The following AGBL1 variants were observed in gnomAD, a reference collection of about 807,000 sequenced individuals.
AGBL1 encodes the protein AGBL carboxypeptidase 1.
AGBL1 carries 130 observed loss-of-function variants against 118.9 expected under a neutral mutation model. The ratio of observed to expected loss-of-function variants is 1.09; its 90% CI spans 0.95 to 1.26. The LOEUF (loss-of-function observed/expected upper bound fraction) is 1.26, where lower values mean the gene tolerates loss of function less well. AGBL1 is among the 50% of genes most tolerant of loss of function. The pLI is 0.00. For missense variants in AGBL1, 1,584 were observed against 1,298.1 expected (o/e 1.22, Z -3.38); for synonymous variants, 555 against 478.9 (o/e 1.16, Z -2.08).
At chr15:86,965,569 C>T (rs939230835) in intron 23 of AGBL1, among the ~76,000 whole-genome samples, 2 of 151,904 alleles carry the variant, frequency 1.3e-5, no homozygotes, top group Non-Finnish European at 2.9e-5. Flanking sequence ...AATTTTCTCC[C>T]ATTCTGTAGA....
At chr15:86,188,202 A>G (rs1011537804) in intron 5 of AGBL1, among the ~76,000 whole-genome samples, 2 of 152,162 alleles carry the variant, frequency 1.3e-5, no homozygotes, top group African/African-American at 4.8e-5. Flanking sequence ...ATGGTTGACA[A>G]AAAGGGGAAA....
intron 6 of AGBL1, among the ~76,000 whole-genome samples, chr15:86,235,987 G>A (rs545287258): frequency 2.4e-4 from 36 of 152,222 alleles, no homozygotes; most frequent in Admixed American, 1.9e-3. Context: ...GGACACTGAG[G>A]CCGAAAGAGA....
In AGBL1 at chr15:86,613,519, A is replaced by G. The variant is rs1388986534; in HGVS notation, c.2994+58982A>G. On this transcript the variant is annotated intron_variant, in intron 21 of 22. Transcript: ENST00000614907. The surrounding 1 kb of genome is among the most constrained non-coding windows in gnomAD (Gnocchi z 4.2). ...TTAAAGGCTGCCATGTGAAAGAGAG[A>G]TTAGGATTATTCAGTGTGTTTATAA... is the stretch of plus-strand genomic sequence containing the variant. Among the ~76,000 whole-genome samples the G allele has an allele frequency of 6.6e-6, 1 of 151,932 alleles. No homozygotes were observed. Among genetic ancestry groups the G allele is most frequent in the Admixed American group, 6.6e-5 (1 of 15,260 alleles).
At chr15:86,849,790 G>A (rs376928911) in intron 22 of AGBL1, among the ~76,000 whole-genome samples, 6 of 152,174 alleles carry the variant, frequency 3.9e-5, no homozygotes, top group Non-Finnish European at 5.9e-5. Context: ...CCTAGGCAGC[G>A]TGTGCTGGGT....
At chr15:86,323,641 T>A (rs1817412736) in intron 17 of AGBL1, among the ~76,000 whole-genome samples, 1 of 152,196 alleles carries the variant, frequency 6.6e-6, no homozygotes, top group South Asian at 2.1e-4. Context: ...AAATGTGGTT[T>A]AAGTGGTCTT....
intron 18 of AGBL1, among the ~76,000 whole-genome samples, chr15:86,403,475 T>C (rs1255749468): frequency 6.6e-6 from 1 of 152,292 alleles, no homozygotes; most frequent in South Asian, 2.1e-4. Flanking sequence ...ATACAAAATC[T>C]TGACCATTTT....
intron 1 of AGBL1, among the ~76,000 whole-genome samples, chr15:86,105,655 T>C (rs1897012816): frequency 6.6e-6 from 1 of 152,198 alleles, no homozygotes; most frequent in Non-Finnish European, 1.5e-5. Flanking sequence ...TTTTCTATTT[T>C]CCGGGTCACA....
intron 22 of AGBL1, among the ~76,000 whole-genome samples, chr15:86,881,339 A>G (rs2141531965): frequency 6.6e-6 from 1 of 152,226 alleles, no homozygotes; most frequent in South Asian, 2.1e-4. Context: ...GCAAACCTCC[A>G]CATCCTCCTG....
chr15:86,649,301 A>AGG, intron 21 of AGBL1, among the ~76,000 whole-genome samples: 1 of 152,290 alleles, frequency 6.6e-6, no homozygotes, highest in Non-Finnish European at 1.5e-5. Context: ...CAATTTTGCC[A>AGG]GTGAAATTGG....
At chr15:86,293,438 G>T (rs75110916) in intron 16 of AGBL1, among the ~76,000 whole-genome samples, 2,996 of 152,262 alleles carry the variant, frequency 0.02, 101 homozygotes, top group African/African-American at 0.061. Flanking sequence ...TTCAAAGCCA[G>T]CAAGGGAAGA....
intron 5 of AGBL1, among the ~76,000 whole-genome samples, chr15:86,186,629 C>T (rs1425975799): frequency 2.0e-5 from 3 of 152,134 alleles, no homozygotes; most frequent in Non-Finnish European, 2.9e-5. Flanking sequence ...CAGGCTGACA[C>T]GGAGCCCTCT....
rs2080397687 is a variant in AGBL1 at position 86,914,729 on chromosome 15, C to G, written c.*7435C>G. On this transcript the variant is annotated 3_prime_UTR_variant, in exon 23 of 23. Transcript: ENST00000614907. ...CAGGTAGTAAGTAGCAGATCACAAC[C>G]TTAACTCAGGCAATCGGACTCTTAA... 6.6e-6 allele frequency: 1 copy of G among 152,150 alleles called. No homozygotes were observed. Among genetic ancestry groups the G allele is most frequent in the Non-Finnish European group, 1.5e-5 (1 of 68,036 alleles). The allele number at this position is 152,150 out of a possible 1,614,324, so 9.4% of individuals were successfully genotyped here. A position where few individuals can be genotyped will look rare whatever the true frequency, so the allele number is the denominator to read the frequency against.
chr15:86,344,440 T>C (rs1320261150), intron 17 of AGBL1, among the ~76,000 whole-genome samples: 1 of 152,120 alleles, frequency 6.6e-6, no homozygotes. Flanking sequence ...CATCAACATC[T>C]ATGTGAATGG....
intron 24 of AGBL1, among the ~76,000 whole-genome samples, chr15:86,998,871 T>A (rs543940441): frequency 7.8e-4 from 118 of 151,150 alleles, no homozygotes; most frequent in East Asian, 4.8e-3. Flanking sequence ...ATATATATAT[T>A]TTTTATTATA....
intron 22 of AGBL1, among the ~76,000 whole-genome samples, chr15:86,809,411 A>G (rs1321283287): frequency 1.3e-5 from 2 of 152,052 alleles, no homozygotes; most frequent in Non-Finnish European, 2.9e-5. Flanking sequence ...CTCCTCTCAC[A>G]TATATATATG....
intron 21 of AGBL1, among the ~76,000 whole-genome samples, chr15:86,565,658 T>C (rs1416890826): frequency 6.6e-6 from 1 of 152,256 alleles, no homozygotes; most frequent in East Asian, 1.9e-4. Context: ...TCTTCAATGC[T>C]GTCAGACAGG....
chr15:86,214,032 T>C (rs967241829), intron 5 of AGBL1, among the ~76,000 whole-genome samples: 2 of 152,230 alleles, frequency 1.3e-5, no homozygotes, highest in Non-Finnish European at 2.9e-5. Flanking sequence ...TGTCTTTGTA[T>C]GAATGACAAC....
At chr15:86,556,169 T>G in intron 21 of AGBL1, 1 of 1,476,936 alleles carries the variant, frequency 6.8e-7, no homozygotes, top group Non-Finnish European at 9.4e-7. Flanking sequence ...CTGGAGCTGT[T>G]TGAAAATGAA....
intron 21 of AGBL1, among the ~76,000 whole-genome samples, chr15:86,559,300 A>G (rs1366614804): frequency 1.3e-5 from 2 of 152,222 alleles, no homozygotes; most frequent in Non-Finnish European, 2.9e-5. Context: ...TGGGCAAGAT[A>G]CTATTCAAGC....
Sources: allele counts gnomAD v4.1 joint callset (sites outside exome capture counted in the v4.1 genomes callset), GRCh38; gene constraint gnomAD v4.1.1; non-coding constraint Gnocchi (gnomAD v3.1); transcripts MANE v1.5; gene names NCBI Gene and HGNC (gene_info 2026-07-23, HGNC 2026-07-21).